The following PITPNM2 variants were observed in gnomAD, a reference collection of about 807,000 sequenced individuals.
PITPNM2 encodes the protein membrane-associated phosphatidylinositol transfer protein 2.
A neutral mutation model predicts 132.2 loss-of-function variants in PITPNM2; 35 were observed. The ratio of observed to expected loss-of-function variants is 0.26; its 90% CI spans 0.20 to 0.35. The LOEUF (loss-of-function observed/expected upper bound fraction) is 0.35, where lower values mean the gene tolerates loss of function less well. PITPNM2 is among the 10% of genes least tolerant of loss of function. The pLI, the probability that PITPNM2 is intolerant of heterozygous loss-of-function variation, is 1.00. For synonymous variants in PITPNM2, 738 were observed against 799.2 expected, an observed-to-expected ratio of 0.92 and a Z score of 1.29; for missense variants, 1,332 against 1,912.0, an observed-to-expected ratio of 0.70 and a Z score of 5.66.
At chr12:123,003,384 C>T (rs1048055296) in intron 8 of PITPNM2, among the ~76,000 whole-genome samples, 5 of 152,136 alleles carry the variant, frequency 3.3e-5, no homozygotes, top group African/African-American at 1.2e-4. Context: ...ATGTGAAATA[C>T]GTATTGTCCT....
At chr12:123,093,095 T>A (rs917089707) in intron 2 of PITPNM2, among the ~76,000 whole-genome samples, 29 of 152,172 alleles carry the variant, frequency 1.9e-4, no homozygotes, top group Admixed American at 5.9e-4. Flanking sequence ...GAAATCATGA[T>A]GCTCAGTGGA....
Position 122,994,565 on chromosome 12 carries a change from C to T in PITPNM2, c.2233+236G>A, listed in dbSNP as rs751340790. ...CAGCTTGCCCATCTAGGGGTTGACC[C>T]TCAGCATCCACAGGCACCCCGGAGA... On this transcript the variant is annotated intron_variant, in intron 15 of 25. Transcript: ENST00000320201. The surrounding 1 kb of genome is among the most constrained non-coding windows in gnomAD (Gnocchi z 5.4). Among the ~76,000 whole-genome samples, 3 of 152,178 alleles carry T rather than the reference C, an allele frequency of 2.0e-5. No individual in the cohort carries two copies. Among genetic ancestry groups the T allele is most frequent in the Non-Finnish European group, 4.4e-5 (3 of 68,022 alleles).
intron 2 of PITPNM2, among the ~76,000 whole-genome samples, chr12:123,072,786 G>A (rs1013709164): frequency 2.0e-5 from 3 of 152,242 alleles, no homozygotes; most frequent in Admixed American, 6.5e-5. Flanking sequence ...GCAACTGAAC[G>A]TTGGACCAAA....
At position 123,097,970 on chromosome 12, in the gene PITPNM2, C is replaced by T. The variant is rs2042454937; in HGVS notation, c.-96+12415G>A. The stretch of plus-strand genomic sequence containing the variant: ...GGGACATGTCGAAAATGATACATCA[C>T]AGCCGCCAGGCCACAGGGAGACCAA... On this transcript the variant is annotated intron_variant, in intron 2 of 25. Coordinates refer to ENST00000320201, the MANE Select transcript of PITPNM2 (RefSeq NM_020845.3). The surrounding 1 kb of genome is among the most constrained non-coding windows in gnomAD (Gnocchi z 4.7). 6.6e-6 allele frequency among the ~76,000 whole-genome samples: 1 copy of T among 152,246 alleles called. No individual in the cohort carries two copies. The highest frequency in any genetic ancestry group is 1.5e-5 in the Non-Finnish European group (1 of 68,044).
Position 122,995,648 on chromosome 12 carries a change from G to A in PITPNM2, c.1795C>T (p.Leu599=). ...SVVSMQDNDL[L]SPGILMNAAH... ...GCATTCATCAGGATGCCCGGGGACA[G>A]CAGGTCATTGTCCTGGAACGGCCCC... The change falls in exon 14 of 26, where the codon CTG becomes TTG. Residue 599 remains leucine, a synonymous_variant. Transcript: ENST00000320201. 1.9e-6 allele frequency: 3 copies of A among 1,597,410 alleles called. No individual in the cohort carries two copies. Among genetic ancestry groups the A allele is most frequent in the Non-Finnish European group, 2.6e-6 (3 of 1,176,436 alleles).
chr12:123,114,237 A>C (rs910125476), intron 1 of PITPNM2, among the ~76,000 whole-genome samples: 1 of 152,054 alleles, frequency 6.6e-6, no homozygotes, highest in African/African-American at 2.4e-5. Flanking sequence ...TAATAAGATA[A>C]CATCACTTAA....
At position 123,018,224 on chromosome 12, in the gene PITPNM2, C is replaced by T. The variant is rs183835020; in HGVS notation, c.79-4182G>A. On this transcript the variant is annotated intron_variant, in intron 3 of 25. Transcript: ENST00000320201. ...AGCTGAGACTACAGGACCATTCCAC[C>T]ACATCTGGTTAATTTTTTAAAATAA... Among the ~76,000 whole-genome samples, 625 of 151,698 alleles carry T rather than the reference C, an allele frequency of 4.1e-3. 6 individuals are homozygous for T. Among genetic ancestry groups the T allele is most frequent in the African/African-American group, 0.014 (587 of 41,348 alleles).
At position 123,023,147 on chromosome 12, in the gene PITPNM2, T is replaced by C. The variant is rs1476805778; in HGVS notation, c.79-9105A>G. Among the ~76,000 whole-genome samples the C allele has an allele frequency of 6.6e-6, 1 of 152,044 alleles. No individual in the cohort carries two copies. The highest frequency in any genetic ancestry group is 2.4e-5 in the African/African-American group (1 of 41,402). On this transcript the variant is annotated intron_variant, in intron 3 of 25. Coordinates refer to ENST00000320201, the MANE Select transcript of PITPNM2 (RefSeq NM_020845.3). The surrounding 1 kb of genome is among the most constrained non-coding windows in gnomAD (Gnocchi z 4.8). ...ACTGGAGGGAGGGGACAGCTAGGAG[T>C]GGCCCTTGCTGCCAAAGAGCCTGAC...
chr12:123,013,747 C>T (rs2039307059), intron 4 of PITPNM2, 81 bp downstream of exon 4: 1 of 1,451,014 alleles, frequency 6.9e-7, no homozygotes. Context: ...TGATCCCATC[C>T]CCTGGATCTA....
intron 2 of PITPNM2, among the ~76,000 whole-genome samples, chr12:123,056,551 T>C (rs144344502): frequency 2.0e-4 from 30 of 152,228 alleles, no homozygotes; most frequent in Non-Finnish European, 4.0e-4. Flanking sequence ...TCTTGCCAAC[T>C]CCAGGAGGCC....
rs1250655587 is a variant in PITPNM2 at position 123,106,950 on chromosome 12, C to T, written c.-96+3435G>A. On this transcript the variant is annotated intron_variant, in intron 2 of 25. Transcript: ENST00000320201. This position sits in a 1 kb window ranked among gnomAD's most constrained non-coding sequence, Gnocchi z 4.4. ...GAGAGGAGGGACTAGGAAGCAAGGCCCTCGCTGCAGGTAGGGCTCTGCTGC... is the reference window on the plus strand; with the variant it reads ...GAGAGGAGGGACTAGGAAGCAAGGCTCTCGCTGCAGGTAGGGCTCTGCTGC... Among the ~76,000 whole-genome samples the T allele has an allele frequency of 2.6e-5, 4 of 152,194 alleles. No individual in the cohort carries two copies. The highest frequency in any genetic ancestry group is 4.8e-5 in the African/African-American group (2 of 41,448).
chr12:123,036,486 C>A lies in PITPNM2; in HGVS notation c.-95-1801G>T, dbSNP rs1447965553. Among the ~76,000 whole-genome samples the A allele has an allele frequency of 6.6e-6, 1 of 152,146 alleles. No homozygotes were observed. The highest frequency in any genetic ancestry group is 1.5e-5 in the Non-Finnish European group (1 of 68,012). On this transcript the variant is annotated intron_variant, in intron 2 of 25. Transcript: ENST00000320201. This position sits in a 1 kb window ranked among gnomAD's most constrained non-coding sequence, Gnocchi z 4.1. ...TGCTTGAGGTCAAGCAAGCTCAAGA[C>A]CAGCCTGGGAAACATAGCAAGACCC...
Position 122,994,839 on chromosome 12 carries a change from A to G in PITPNM2, c.2195T>C (p.Val732Ala). ...GATGACAGTCTTCCTCAAGGCCAGGACCAGCCCCAGCGGGCACCCGAAGAG... is the reference window on the plus strand; with the variant it reads ...GATGACAGTCTTCCTCAAGGCCAGGGCCAGCCCCAGCGGGCACCCGAAGAG... ...LFLFGCPLGL[V>A]LALRKTVIPA... is the part of the protein sequence containing the mutation. The change falls in exon 15 of 26, where the codon GTC becomes GCC. Residue 732 changes from valine to alanine, a missense_variant. This residue lies in a region of PITPNM2 where 710 missense variants were observed against 911.5 expected (regional missense o/e 0.78). Coordinates refer to ENST00000320201, the MANE Select transcript of PITPNM2 (RefSeq NM_020845.3). The surrounding 1 kb of genome is among the most constrained non-coding windows in gnomAD (Gnocchi z 5.4). 1 of 1,611,544 alleles carries G rather than the reference A, an allele frequency of 6.2e-7. No individual in the cohort carries two copies. Among genetic ancestry groups the G allele is most frequent in the Non-Finnish European group, 8.5e-7 (1 of 1,179,880 alleles).
chr12:122,987,907 G>A lies in PITPNM2; in HGVS notation c.2998-6C>T, dbSNP rs777441334. 1.2e-6 allele frequency: 2 copies of A among 1,607,096 alleles called. No homozygotes were observed. The highest frequency in any genetic ancestry group is 1.7e-6 in the Non-Finnish European group (2 of 1,175,962). ...CGGTGGTTGGCCGTCACGTTCTGTG[G>A]AGGGAGTGGCAAGCCCAGGTCAGGG... On this transcript the variant is annotated splice_polypyrimidine_tract_variant and splice_region_variant and intron_variant, in intron 20 of 25. Coordinates refer to ENST00000320201, the MANE Select transcript of PITPNM2 (RefSeq NM_020845.3).
In PITPNM2 at chr12:123,022,383, C is replaced by T. The variant is rs1309205981; in HGVS notation, c.79-8341G>A. ...CAGAGCATCAGACACCAGCGCTCCT[C>T]GTGCACACTAGGGCTGAGACTCAGA... On this transcript the variant is annotated intron_variant, in intron 3 of 25. Transcript: ENST00000320201. The surrounding 1 kb of genome is among the most constrained non-coding windows in gnomAD (Gnocchi z 4.9). Among the ~76,000 whole-genome samples the T allele has an allele frequency of 6.6e-6, 1 of 152,100 alleles. No individual in the cohort carries two copies. The highest frequency in any genetic ancestry group is 1.5e-5 in the Non-Finnish European group (1 of 68,018).
rs1253496526 is a variant in PITPNM2 at position 123,005,112 on chromosome 12, C to A, written c.952+128G>T. On this transcript the variant is annotated intron_variant, in intron 7 of 25. Transcript: ENST00000320201. This position sits in a 1 kb window ranked among gnomAD's most constrained non-coding sequence, Gnocchi z 6.2. ...CGAGGACTAGCCCAGGGCTCTGACTCCCTCTGGGCTTGGTGCCTCAATGTC... is the reference window on the plus strand; with the variant it reads ...CGAGGACTAGCCCAGGGCTCTGACTACCTCTGGGCTTGGTGCCTCAATGTC... The A allele has an allele frequency of 8.5e-7, 1 of 1,176,964 alleles. No homozygotes were observed. Among genetic ancestry groups the A allele is most frequent in the African/African-American group, 1.5e-5 (1 of 65,182 alleles). 72.9% of individuals were successfully genotyped at this position (1,176,964 alleles called of 1,614,324 possible).
At chr12:123,007,677 A>G (rs1592937551) in intron 6 of PITPNM2, among the ~76,000 whole-genome samples, 1 of 152,192 alleles carries the variant, frequency 6.6e-6, no homozygotes. Flanking sequence ...CAGATGTGGC[A>G]CACTGAAGAG....
chr12:123,101,613 C>T lies in PITPNM2; in HGVS notation c.-96+8772G>A, dbSNP rs193025634. ...ACATAGTGCAGCTCAGGCACACAGA[C>T]GGTACTTAGTAAATGTTCGTCATGT... On this transcript the variant is annotated intron_variant, in intron 2 of 25. Coordinates refer to ENST00000320201, the MANE Select transcript of PITPNM2 (RefSeq NM_020845.3). Among the ~76,000 whole-genome samples the T allele has an allele frequency of 1.2e-3, 184 of 152,270 alleles. 1 individual carries two copies. Among genetic ancestry groups the T allele is most frequent in the African/African-American group, 2.9e-3 (120 of 41,540 alleles).
At chr12:123,131,988 G>C (rs1417776795) in intron 1 of PITPNM2, among the ~76,000 whole-genome samples, 1 of 152,216 alleles carries the variant, frequency 6.6e-6, no homozygotes, top group African/African-American at 2.4e-5. Flanking sequence ...GCAGAACCCT[G>C]CTCCACATTC....
Sources: allele counts gnomAD v4.1 joint callset (sites outside exome capture counted in the v4.1 genomes callset), GRCh38; gene constraint gnomAD v4.1.1; regional missense constraint gnomAD v4.1.1; non-coding constraint Gnocchi (gnomAD v3.1); transcripts MANE v1.5; gene names NCBI Gene and HGNC (gene_info 2026-07-23, HGNC 2026-07-21).